STK4: variants seen among roughly 807,000 people sequenced by gnomAD.
The protein encoded by STK4 is serine/threonine-protein kinase 4.
Under a neutral mutation model 64.9 loss-of-function variants are expected in STK4, and 30 were observed. The ratio of observed to expected loss-of-function variants is 0.46; its 90% CI spans 0.35 to 0.63. The LOEUF is 0.63. STK4 is among the 20% of genes least tolerant of loss of function. The pLI is 0.01. For synonymous variants in STK4, 177 were observed against 199.0 expected, an observed-to-expected ratio of 0.89 and a Z score of 0.93; for missense variants, 466 against 598.5, an observed-to-expected ratio of 0.78 and a Z score of 2.31.
chr20:45,021,868 G>A (rs2068254296), intron 9 of STK4, among the ~76,000 whole-genome samples: 1 of 152,144 alleles, frequency 6.6e-6, no homozygotes, highest in African/African-American at 2.4e-5. Context: ...TAATAACTGA[G>A]CATAAATATG....
intron 10 of STK4, among the ~76,000 whole-genome samples, chr20:45,051,250 CA>C (rs1279228107): frequency 6.6e-6 from 1 of 152,164 alleles, no homozygotes; most frequent in Non-Finnish European, 1.5e-5. Context: ...TGTTTCTAAC[CA>C]AAAGGCCTTT....
At chr20:44,969,747 G>A (rs1037207587) in intron 1 of STK4, among the ~76,000 whole-genome samples, 3 of 152,162 alleles carry the variant, frequency 2.0e-5, no homozygotes, top group African/African-American at 7.2e-5. Flanking sequence ...TCTGGAACCT[G>A]GGGAAGTCCC....
At chr20:45,049,094 C>A (rs2068739547) in intron 10 of STK4, among the ~76,000 whole-genome samples, 1 of 151,878 alleles carries the variant, frequency 6.6e-6, no homozygotes, top group Non-Finnish European at 1.5e-5. Flanking sequence ...CAGAGAGAGA[C>A]AGAGAGAGCT....
At chr20:45,032,158 GACA>G (rs1372771210) in intron 10 of STK4, among the ~76,000 whole-genome samples, 1 of 152,004 alleles carries the variant, frequency 6.6e-6, no homozygotes, top group Admixed American at 6.6e-5. Context: ...ATTTCAGTTA[GACA>G]AAAAACTAAC....
Position 45,025,067 on chromosome 20 carries a change from T to A in STK4, c.1242T>A (p.Ser414Arg), listed in dbSNP as rs2068320766. 2 of 1,613,088 alleles carry A rather than the reference T, an allele frequency of 1.2e-6. No individual in the cohort carries two copies. Among genetic ancestry groups the A allele is most frequent in the Non-Finnish European group, 1.7e-6 (2 of 1,179,534 alleles). Residue 414 changes from serine (S) to arginine (R), a missense_variant, in exon 10 of 11, where the codon AGT (serine) becomes AGA (arginine). By Grantham distance (110) the Ser-to-Arg change is moderately radical. Coordinates refer to ENST00000372806, the MANE Select transcript of STK4 (RefSeq NM_006282.5). ...ACCAGATCAACAGCTTTGGCAAGAG[T>A]GTACCTGGTCCACTGAAAAATTCTT... ...KENQINSFGK[S>R]VPGPLKNSSD...
chr20:45,045,801 T>G (rs576970132), intron 10 of STK4, among the ~76,000 whole-genome samples: 11 of 152,218 alleles, frequency 7.2e-5, no homozygotes, highest in Admixed American at 5.2e-4. Context: ...TGTCTTTTTT[T>G]TTTGTTTGTT....
At chr20:45,038,331 C>T (rs2068559369) in intron 10 of STK4, among the ~76,000 whole-genome samples, 1 of 113,304 alleles carries the variant, frequency 8.8e-6, no homozygotes, top group Admixed American at 8.1e-5. Flanking sequence ...AATTATAATA[C>T]CTTTATCATA....
At chr20:45,000,665 G>A (rs1226700600) in intron 8 of STK4, 145 bp downstream of exon 8, 4 of 1,168,074 alleles carry the variant, frequency 3.4e-6, no homozygotes, top group African/African-American at 1.5e-5. Context: ...CTGGATCAAC[G>A]CATGCTAGAG....
chr20:45,024,297 T>C (rs2068304706), intron 9 of STK4, among the ~76,000 whole-genome samples: 1 of 150,274 alleles, frequency 6.7e-6, no homozygotes, highest in South Asian at 2.1e-4. Flanking sequence ...TTGGGTATTT[T>C]CCCCTAGTTT....
intron 4 of STK4, among the ~76,000 whole-genome samples, chr20:44,983,745 A>T (rs2067481061): frequency 6.6e-6 from 1 of 152,186 alleles, no homozygotes. Flanking sequence ...TAATATCTGT[A>T]TTCCATATTT....
At chr20:45,070,595 C>T (rs115179374) in intron 10 of STK4, among the ~76,000 whole-genome samples, 3,681 of 152,130 alleles carry the variant, frequency 0.024, 129 homozygotes, top group African/African-American at 0.079. Context: ...ATGTGTTAAG[C>T]TGCAGATTCT....
intron 5 of STK4, among the ~76,000 whole-genome samples, chr20:44,989,994 C>T (rs904213124): frequency 6.6e-6 from 1 of 152,094 alleles, no homozygotes; most frequent in African/African-American, 2.4e-5. Context: ...CCAACTTTGT[C>T]CTTCTATTTC....
At chr20:45,025,520 C>G (rs143252223) in intron 10 of STK4, among the ~76,000 whole-genome samples, 1 of 152,228 alleles carries the variant, frequency 6.6e-6, no homozygotes, top group African/African-American at 2.4e-5. Flanking sequence ...AACTATTCTC[C>G]TAATTTTAAC....
At chr20:44,976,109 T>C (rs867454464) in intron 2 of STK4, among the ~76,000 whole-genome samples, 2 of 152,208 alleles carry the variant, frequency 1.3e-5, no homozygotes, top group Non-Finnish European at 2.9e-5. Context: ...CAAAGGCAGA[T>C]AAAAAGTTGG....
chr20:44,967,237 ATCC>A (rs1202328476), intron 1 of STK4: 1 of 985,180 alleles, frequency 1.0e-6, no homozygotes, highest in Non-Finnish European at 1.2e-6. Context: ...TGGTCTTCAC[ATCC>A]TCCTCAGCTC....
chr20:45,048,601 G>A (rs1169371217), intron 10 of STK4, among the ~76,000 whole-genome samples: 1 of 151,854 alleles, frequency 6.6e-6, no homozygotes, highest in African/African-American at 2.4e-5. Flanking sequence ...TGCCTCCTGC[G>A]TTCAGGTGGT....
intron 10 of STK4, among the ~76,000 whole-genome samples, chr20:45,026,038 G>C (rs1380701387): frequency 2.0e-5 from 3 of 151,954 alleles, no homozygotes; most frequent in Non-Finnish European, 4.4e-5. Flanking sequence ...ACTCATCTGA[G>C]GTAAATTAAC....
At chr20:44,976,630 T>G (rs1227203980) in intron 2 of STK4, among the ~76,000 whole-genome samples, 1 of 152,150 alleles carries the variant, frequency 6.6e-6, no homozygotes, top group Non-Finnish European at 1.5e-5. Flanking sequence ...AAACTATCAT[T>G]CTAGAGTGGA....
intron 4 of STK4, among the ~76,000 whole-genome samples, chr20:44,986,344 G>C (rs1230088953): frequency 6.6e-6 from 1 of 152,226 alleles, no homozygotes; most frequent in South Asian, 2.1e-4. Context: ...AGGATGAAGA[G>C]AATAGGCAGT....
Sources: allele counts gnomAD v4.1 joint callset (sites outside exome capture counted in the v4.1 genomes callset), GRCh38; gene constraint gnomAD v4.1.1; transcripts MANE v1.5; gene names NCBI Gene and HGNC (gene_info 2026-07-23, HGNC 2026-07-21).